Variants in CABCOCO1 observed in about 807,000 individuals in gnomAD.
CABCOCO1 encodes the protein ciliary-associated calcium-binding coiled-coil protein 1.
CABCOCO1 carries 28 observed loss-of-function variants against 35.7 expected under a neutral mutation model. The observed-to-expected ratio is 0.78, with a 90% CI of 0.58 to 1.07. CABCOCO1 has a LOEUF of 1.07. Ranked by LOEUF, CABCOCO1 falls within the 50% of genes least tolerant of loss-of-function variation. The pLI, the probability that CABCOCO1 is intolerant of heterozygous loss-of-function variation, is 0.00. For missense variants in CABCOCO1, 326 were observed against 309.2 expected (o/e 1.05, Z -0.41); for synonymous variants, 95 against 100.1 (o/e 0.95, Z 0.30).
At chr10:61,669,020 G>GAAAAAA (rs200867627) in intron 1 of CABCOCO1, among the ~76,000 whole-genome samples, 12 of 102,480 alleles carry the variant, frequency 1.2e-4, no homozygotes, top group South Asian at 7.7e-4. Context: ...AAGGGTTGGG[G>GAAAAAA]AAAAAAAAAA....
intron 7 of CABCOCO1, among the ~76,000 whole-genome samples, chr10:61,764,474 C>T (rs777757584): frequency 6.6e-6 from 1 of 151,976 alleles, no homozygotes; most frequent in Non-Finnish European, 1.5e-5. Context: ...TAACATAATC[C>T]TATTCCCCTA....
chr10:61,686,009 A>G, intron 3 of CABCOCO1, 32 bp from the exon 4 acceptor site: 1 of 1,556,964 alleles, frequency 6.4e-7, no homozygotes, highest in South Asian at 1.2e-5. Flanking sequence ...CTATCAAAAT[A>G]ATAATTAAGA....
intron 5 of CABCOCO1, among the ~76,000 whole-genome samples, chr10:61,722,685 A>G (rs953483712): frequency 1.3e-5 from 2 of 152,064 alleles, no homozygotes; most frequent in Non-Finnish European, 2.9e-5. Context: ...TCTTCTAAAA[A>G]AAAAACTGGT....
At chr10:61,762,295 A>T (rs1019023832) in intron 7 of CABCOCO1, among the ~76,000 whole-genome samples, 15 of 152,206 alleles carry the variant, frequency 9.9e-5, no homozygotes, top group African/African-American at 3.4e-4. Flanking sequence ...TTAACTATTC[A>T]TTGAAATTAT....
At position 61,765,985 on chromosome 10, in the gene CABCOCO1, C is replaced by T. The variant is rs776533552; in HGVS notation, c.863C>T (p.Ala288Val). 6.8e-6 allele frequency: 11 copies of T among 1,613,050 alleles called. No homozygotes were observed. In the East Asian group the frequency reaches 1.8e-4, roughly 26 times the overall value. Reference sequence around the variant, plus strand: ...CAAATACAGGAAGAGGCCTTTAATGCACGAATAGAAAAATTGAAAAAGGCC... The same window carrying T: ...CAAATACAGGAAGAGGCCTTTAATGTACGAATAGAAAAATTGAAAAAGGCC... The part of the protein sequence containing the change: ...KLQIQEEAFN[A>V]RIEKLKKA Residue 288 changes from alanine to valine, a missense_variant, in exon 8 of 8, where the codon GCA becomes GTA. Coordinates refer to ENST00000648843, the MANE Select transcript of CABCOCO1 (RefSeq NM_001366906.2).
intron 3 of CABCOCO1, among the ~76,000 whole-genome samples, chr10:61,685,708 G>T (rs1302250455): frequency 1.3e-5 from 2 of 152,126 alleles, no homozygotes; most frequent in East Asian, 1.9e-4. Context: ...CCACGGGCAT[G>T]TGTCACCATG....
At chr10:61,737,946 C>T (rs1392823514) in intron 5 of CABCOCO1, among the ~76,000 whole-genome samples, 2 of 151,472 alleles carry the variant, frequency 1.3e-5, no homozygotes, top group African/African-American at 4.9e-5. Flanking sequence ...CATGTACCCC[C>T]AAACTAAAAT....
intron 1 of CABCOCO1, among the ~76,000 whole-genome samples, chr10:61,671,831 G>A (rs752535459): frequency 1.3e-5 from 2 of 152,132 alleles, no homozygotes; most frequent in African/African-American, 4.8e-5. Flanking sequence ...GGTTCTGAGT[G>A]CTGTCTGTAT....
chr10:61,716,551 CTT>C (rs888228938), intron 5 of CABCOCO1, among the ~76,000 whole-genome samples: 8 of 152,146 alleles, frequency 5.3e-5, no homozygotes, highest in East Asian at 1.9e-4. Flanking sequence ...AATCCTCTCT[CTT>C]GTATGAATTA....
chr10:61,719,920 CAAA>C (rs34712304), intron 5 of CABCOCO1, among the ~76,000 whole-genome samples: 1,549 of 87,928 alleles, frequency 0.018, 20 homozygotes, highest in African/African-American at 0.062. Context: ...GACTCCATCT[CAAA>C]AAAAAAAAAA....
chr10:61,735,059 T>C (rs1240278223), intron 5 of CABCOCO1, among the ~76,000 whole-genome samples: 1 of 152,116 alleles, frequency 6.6e-6, no homozygotes, highest in African/African-American at 2.4e-5. Context: ...AGGCCAGGAA[T>C]ACATAAAGTT....
chr10:61,686,242 T>G (rs1839959091), intron 4 of CABCOCO1, 57 bp downstream of exon 4: 4 of 1,412,430 alleles, frequency 2.8e-6, no homozygotes, highest in Non-Finnish European at 3.8e-6. Flanking sequence ...GGAAAATGTC[T>G]GTTAAGTAAA....
At chr10:61,745,367 G>C (rs1351545862) in intron 5 of CABCOCO1, among the ~76,000 whole-genome samples, 2 of 152,082 alleles carry the variant, frequency 1.3e-5, no homozygotes, top group Non-Finnish European at 2.9e-5. Flanking sequence ...GAGGCTAGTT[G>C]ACAAGGTTGA....
chr10:61,750,911 C>A (rs998352740), intron 5 of CABCOCO1, among the ~76,000 whole-genome samples: 2 of 152,184 alleles, frequency 1.3e-5, no homozygotes, highest in Non-Finnish European at 2.9e-5. Flanking sequence ...ATATGACGTG[C>A]CCCACGTCCT....
chr10:61,760,010 G>T (rs374367643), intron 5 of CABCOCO1, 49 bp from the exon 6 acceptor site: 138 of 1,607,232 alleles, frequency 8.6e-5, no homozygotes, highest in Non-Finnish European at 1.1e-4. Context: ...CGAAACTGTG[G>T]TTGCTCACCA....
chr10:61,718,525 T>C (rs1479944132), intron 5 of CABCOCO1, among the ~76,000 whole-genome samples: 1 of 152,216 alleles, frequency 6.6e-6, no homozygotes, highest in East Asian at 1.9e-4. Flanking sequence ...TATTATTCTT[T>C]AAATATGAAG....
At chr10:61,717,874 C>T (rs1241683411) in intron 5 of CABCOCO1, among the ~76,000 whole-genome samples, 1 of 152,132 alleles carries the variant, frequency 6.6e-6, no homozygotes, top group Admixed American at 6.5e-5. Flanking sequence ...AGTAACTGCA[C>T]AAGCAAGGGC....
chr10:61,663,543 AT>A (rs1839075098), intron 1 of CABCOCO1, among the ~76,000 whole-genome samples: 1 of 152,124 alleles, frequency 6.6e-6, no homozygotes, highest in South Asian at 2.1e-4. Flanking sequence ...ATATTAGAAG[AT>A]TGGTGTTTCC....
chr10:61,749,070 A>G (rs1297281998), intron 5 of CABCOCO1, among the ~76,000 whole-genome samples: 1 of 152,230 alleles, frequency 6.6e-6, no homozygotes, highest in Non-Finnish European at 1.5e-5. Flanking sequence ...ATTAATATGT[A>G]AAAATAATAA....
Sources: gnomAD v4.1 joint callset for allele counts (sites outside exome capture counted in the v4.1 genomes callset) on GRCh38, gnomAD v4.1.1 for gene constraint, MANE v1.5 for transcripts, NCBI Gene and HGNC (gene_info 2026-07-23, HGNC 2026-07-21) for gene names.